The following ITGA2B variants were observed in gnomAD, a reference collection of about 807,000 sequenced individuals.
The protein encoded by ITGA2B is integrin alpha-IIb.
A neutral mutation model predicts 142.0 loss-of-function variants in ITGA2B; 91 were observed. The observed-to-expected ratio is 0.64, with a 90% CI of 0.54 to 0.76. The LOEUF is 0.76. Ranked by LOEUF, ITGA2B falls within the 30% of genes least tolerant of loss-of-function variation. The pLI is 0.00. For synonymous variants in ITGA2B, 536 were observed against 567.2 expected, an observed-to-expected ratio of 0.94 and a Z score of 0.78; for missense variants, 1,231 against 1,350.8, an observed-to-expected ratio of 0.91 and a Z score of 1.39.
At chr17:44,375,801 C>A (rs1168527969) in intron 25 of ITGA2B, 32 bp downstream of exon 25, 3 of 1,560,414 alleles carry the variant, frequency 1.9e-6, no homozygotes, top group Admixed American at 1.9e-5. Context: ...CTGGGGCCGC[C>A]TTCCCAGGTC....
In ITGA2B at chr17:44,374,455, GCAGCTGTGTC is replaced by G; in HGVS notation, c.2949_2958del (p.Trp983CysfsTer?). 1 of 1,614,114 alleles carries G rather than the reference GCAGCTGTGTC, an allele frequency of 6.2e-7. No homozygotes were observed. Among genetic ancestry groups the G allele is most frequent in the Non-Finnish European group, 8.5e-7 (1 of 1,180,020 alleles). Reference sequence around the variant, plus strand: ...ATGGCCCTCTCCTCCAAGGCCCGGAGCAGCTGTGTCCACACCTGGGGGCAAACCCACGTGT... The same window carrying G: ...ATGGCCCTCTCCTCCAAGGCCCGGAGCACACCTGGGGGCAAACCCACGTGT... On this transcript the variant is annotated frameshift_variant, in exon 29 of 30. Coordinates refer to ENST00000262407, the MANE Select transcript of ITGA2B (RefSeq NM_000419.5). LOFTEE classifies it high-confidence loss of function.
rs776521459 is a variant in ITGA2B at position 44,384,076 on chromosome 17, G to T, written c.945+9C>A. On this transcript the variant is annotated intron_variant, in intron 10 of 29. Coordinates refer to ENST00000262407, the MANE Select transcript of ITGA2B (RefSeq NM_000419.5). The stretch of plus-strand genomic sequence containing the variant: ...CACCCAGCCACGCCCACTGGGACCT[G>T]GCCCCCACCTGCTCTCCGCGCAGCC... The T allele has an allele frequency of 7.4e-6, 12 of 1,613,596 alleles. No individual in the cohort carries two copies. The highest frequency in any genetic ancestry group is 7.6e-6 in the Non-Finnish European group (9 of 1,179,914).
chr17:44,385,836 G>A lies in ITGA2B; in HGVS notation c.396C>T (p.Ser132=). 6.2e-7 allele frequency: 1 copy of A among 1,604,040 alleles called. No homozygotes were observed. Among genetic ancestry groups the A allele is most frequent in the Non-Finnish European group, 8.5e-7 (1 of 1,174,928 alleles). ...QGLGASVVSW[S]DVIVACAPWQ... ...CCGCGGGGCCCACCACAATGACGTC[G>A]CTCCAGCTGACGACCGACGCCCCCA... The change falls in exon 3 of 30, where the codon AGC becomes AGT. Residue 132 remains serine (S), a synonymous_variant. Coordinates refer to ENST00000262407, the MANE Select transcript of ITGA2B (RefSeq NM_000419.5).
chr17:44,375,195 C>A, intron 26 of ITGA2B, 84 bp from the exon 27 acceptor site: 2 of 1,152,984 alleles, frequency 1.7e-6, no homozygotes, highest in Non-Finnish European at 2.5e-6. Flanking sequence ...GGACCCAACG[C>A]AGAAGGGGCC....
In ITGA2B at chr17:44,384,531, T is replaced by A; in HGVS notation, c.847+7A>T. On this transcript the variant is annotated splice_region_variant and intron_variant, in intron 8 of 29. Transcript: ENST00000262407. ...TACCCAACTCCCGCCCTAAGTGGATTTCTTGCCTGTAGTGTTGAGATCCCC... is the reference window on the plus strand; with the variant it reads ...TACCCAACTCCCGCCCTAAGTGGATATCTTGCCTGTAGTGTTGAGATCCCC... 2 of 1,613,988 alleles carry A rather than the reference T, an allele frequency of 1.2e-6. No individual in the cohort carries two copies. Among genetic ancestry groups the A allele is most frequent in the Non-Finnish European group, 1.7e-6 (2 of 1,179,996 alleles).
chr17:44,377,535 A>C, intron 21 of ITGA2B, among the ~76,000 whole-genome samples, 163 bp downstream of exon 21: 1 of 152,168 alleles, frequency 6.6e-6, no homozygotes, highest in East Asian at 1.9e-4. Flanking sequence ...CACTGGGTAA[A>C]GGGGCTCAGA....
Position 44,376,132 on chromosome 17 carries a change from G to C in ITGA2B, c.2401C>G (p.Gln801Glu), listed in dbSNP as rs1043685797. Residue 801 changes from glutamine (Q) to glutamate (E), a missense_variant, in exon 24 of 30, where the codon CAG becomes GAG. Around this residue, in one of 3 missense-constraint regions of ITGA2B, gnomAD observed 908 missense variants for 1,021.1 expected, o/e 0.89. Transcript: ENST00000262407. Reference protein sequence around the residue: ...VVAAEEGEREQNSLDSWGPKV... With the variant: ...VVAAEEGEREENSLDSWGPKV... ...GGTCCCCAGCTGTCCAAGCTGTTCT[G>C]CTCCCTCTCACCTTCTTCTGCTGCC... 6.2e-7 allele frequency: 1 copy of C among 1,614,170 alleles called. No individual in the cohort carries two copies. Among genetic ancestry groups the C allele is most frequent in the Admixed American group, 1.7e-5 (1 of 60,022 alleles).
In ITGA2B at chr17:44,380,898, G is replaced by T. The variant is rs372294932; in HGVS notation, c.1374C>A (p.Ile458=). ...FGFSLRGAVD[I]DDNGYPDLIV... is the part of the protein sequence containing the mutation. The stretch of plus-strand genomic sequence containing the variant: ...GGGCACCTGGGTATCCGTTGTCATC[G>T]ATGTCTACGGCACCTCGAAGGGAGA... Residue 458 remains isoleucine, a synonymous_variant, in exon 13 of 30, where the codon ATC becomes ATA. Coordinates refer to ENST00000262407, the MANE Select transcript of ITGA2B (RefSeq NM_000419.5). 1.2e-6 allele frequency: 2 copies of T among 1,614,108 alleles called. No homozygotes were observed. Among genetic ancestry groups the T allele is most frequent in the Non-Finnish European group, 1.7e-6 (2 of 1,180,040 alleles).
At chr17:44,378,304 A>G (rs1415602998) in intron 20 of ITGA2B, 58 bp downstream of exon 20, 1 of 1,568,618 alleles carries the variant, frequency 6.4e-7, no homozygotes, top group East Asian at 2.3e-5. Context: ...GAGATGAGAG[A>G]GCCAAGGCTC....
intron 4 of ITGA2B, 58 bp downstream of exon 4, chr17:44,385,493 A>AT: frequency 7.1e-7 from 1 of 1,406,556 alleles, no homozygotes; most frequent in Non-Finnish European, 9.4e-7. Flanking sequence ...GCGGGATCCG[A>AT]TGGGGGCGGG....
chr17:44,377,292 T>G (rs2048553580), intron 21 of ITGA2B, among the ~76,000 whole-genome samples: 2 of 151,630 alleles, frequency 1.3e-5, no homozygotes, highest in Non-Finnish European at 2.9e-5. Context: ...ACCTCCCAGG[T>G]TCAAGTGATT....
Position 44,376,279 on chromosome 17 carries a change from A to G in ITGA2B, c.2348+29T>C, listed in dbSNP as rs761470035. On this transcript the variant is annotated intron_variant, in intron 23 of 29. Transcript: ENST00000262407. The stretch of plus-strand genomic sequence containing the variant: ...CCTGGAGTTTAGAGCCCTGAATGCC[A>G]TCTCCCTTCTCCACCCCTGGCCTCT... The G allele has an allele frequency of 1.2e-5, 19 of 1,613,772 alleles. No individual in the cohort carries two copies. In the East Asian group the frequency reaches 4.2e-4, roughly 36 times the overall value.
Position 44,383,922 on chromosome 17 carries a change from C to G in ITGA2B, c.970G>C (p.Val324Leu). 1 of 1,614,050 alleles carries G rather than the reference C, an allele frequency of 6.2e-7. No homozygotes were observed. Among genetic ancestry groups the G allele is most frequent in the Non-Finnish European group, 8.5e-7 (1 of 1,180,024 alleles). The change falls in exon 11 of 30, where the codon GTG becomes CTG. Residue 324 changes from valine to leucine, a missense_variant. Val to Leu is a conservative substitution (Grantham distance 32). This residue lies in a region of ITGA2B where 908 missense variants were observed against 1,021.1 expected (regional missense o/e 0.89). Transcript: ENST00000262407. ...TCCCCGTTGACGTCAGTGACAGCCACTGAATGCCCAAAATACGACGCCATC... is the reference window on the plus strand; with the variant it reads ...TCCCCGTTGACGTCAGTGACAGCCAGTGAATGCCCAAAATACGACGCCATC... The part of the protein sequence containing the change: ...EQMASYFGHS[V>L]AVTDVNGDGR...
chr17:44,372,543 C>G lies in ITGA2B; in HGVS notation c.3061-120G>C. ...GGACCAGCGCAGAACATGAAGCCCA[C>G]TGTACTCACAAATGGATGCCTTTTG... On this transcript the variant is annotated intron_variant, in intron 29 of 29. Transcript: ENST00000262407. The G allele has an allele frequency of 8.9e-6, 7 of 789,408 alleles. No homozygotes were observed. In the South Asian group the frequency reaches 9.6e-5, roughly 11 times the overall value. 48.9% of individuals were successfully genotyped at this position (789,408 alleles called of 1,614,324 possible).
At chr17:44,386,476 C>T (rs1289113201) in intron 1 of ITGA2B, among the ~76,000 whole-genome samples, 1 of 152,186 alleles carries the variant, frequency 6.6e-6, no homozygotes, top group African/African-American at 2.4e-5. Flanking sequence ...CAAGAACCAG[C>T]GGTTCACATG....
At position 44,380,056 on chromosome 17, in the gene ITGA2B, C is replaced by T. The variant is rs1367597023; in HGVS notation, c.1698G>A (p.Leu566=). ...GSQQAGTTLN[L]DLGGKHSPIC... ...TGGGGCTGTGCTTTCCGCCCAGATC[C>T]AGGTTCAGGGTGGTGCCTGCCTGTT... The change falls in exon 17 of 30, where the codon CTG becomes CTA. Residue 566 remains leucine (L), a synonymous_variant. Coordinates refer to ENST00000262407, the MANE Select transcript of ITGA2B (RefSeq NM_000419.5). 6.2e-7 allele frequency: 1 copy of T among 1,614,054 alleles called. No homozygotes were observed. The highest frequency in any genetic ancestry group is 1.3e-5 in the African/African-American group (1 of 75,054).
chr17:44,380,698 A>T (rs2048588406), intron 13 of ITGA2B, 53 bp from the exon 14 acceptor site: 1 of 1,611,978 alleles, frequency 6.2e-7, no homozygotes, highest in South Asian at 1.1e-5. Flanking sequence ...TGGGATCCTC[A>T]TCTCATCTTC....
intron 1 of ITGA2B, among the ~76,000 whole-genome samples, chr17:44,387,451 A>G (rs1007964478): frequency 2.0e-5 from 3 of 151,988 alleles, no homozygotes; most frequent in Admixed American, 6.6e-5. Flanking sequence ...TGAACCCAGG[A>G]GGCAGAGGTT....
intron 12 of ITGA2B, 27 bp from the exon 13 acceptor site, chr17:44,381,088 G>A (rs751274061): frequency 2.5e-6 from 4 of 1,609,034 alleles, no homozygotes; most frequent in Non-Finnish European, 2.5e-6. Context: ...AAAGGAAGTG[G>A]CTGATTGTTA....
Sources: allele counts gnomAD v4.1 joint callset (sites outside exome capture counted in the v4.1 genomes callset), GRCh38; gene constraint gnomAD v4.1.1; regional missense constraint gnomAD v4.1.1; transcripts MANE v1.5; gene names NCBI Gene and HGNC (gene_info 2026-07-23, HGNC 2026-07-21).